The following RAB27B variants were observed in gnomAD, a reference collection of about 807,000 sequenced individuals.
RAB27B encodes ras-related protein Rab-27B.
Under a neutral mutation model 24.6 loss-of-function variants are expected in RAB27B, and 15 were observed. That is an observed-to-expected ratio of 0.61 (90% confidence interval 0.41 to 0.94). The LOEUF (loss-of-function observed/expected upper bound fraction) is 0.94. Ranked by LOEUF, RAB27B falls within the 40% of genes least tolerant of loss-of-function variation. The pLI is 0.00. For synonymous variants in RAB27B, 105 were observed against 92.5 expected (o/e 1.14, Z -0.78); for missense variants, 261 against 266.8 (o/e 0.98, Z 0.15).
chr18:54,727,673 C>T (rs2144984264), intron 2 of RAB27B, among the ~76,000 whole-genome samples: 1 of 152,170 alleles, frequency 6.6e-6, no homozygotes, highest in East Asian at 1.9e-4. Flanking sequence ...TTTAGATTTG[C>T]CTTTTAGATA....
intron 4 of RAB27B, among the ~76,000 whole-genome samples, chr18:54,887,662 G>T (rs767702791): frequency 6.6e-6 from 1 of 151,496 alleles, no homozygotes; most frequent in East Asian, 1.9e-4. Flanking sequence ...CAAGAACAGC[G>T]CATGGATTAA....
intron 1 of RAB27B, among the ~76,000 whole-genome samples, chr18:54,873,759 AGT>A (rs1165887303): frequency 6.6e-6 from 1 of 151,788 alleles, no homozygotes; most frequent in African/African-American, 2.4e-5. Flanking sequence ...ACATAGACAG[AGT>A]GAGAGAGAGA....
intron 2 of RAB27B, among the ~76,000 whole-genome samples, chr18:54,819,169 ATTAT>A (rs994993625): frequency 1.7e-4 from 23 of 135,908 alleles, no homozygotes; most frequent in Non-Finnish European, 2.5e-4. Context: ...TATTAACATA[ATTAT>A]TAATGAATAT....
intron 2 of RAB27B, among the ~76,000 whole-genome samples, chr18:54,742,881 C>T (rs992931872): frequency 3.9e-5 from 6 of 152,158 alleles, no homozygotes; most frequent in African/African-American, 9.7e-5. Flanking sequence ...GAAAGCCTTG[C>T]AAATTTTGCA....
intron 2 of RAB27B, among the ~76,000 whole-genome samples, chr18:54,806,987 A>G (rs533974825): frequency 6.6e-6 from 1 of 152,270 alleles, no homozygotes; most frequent in African/African-American, 2.4e-5. Flanking sequence ...GCTCACTGCA[A>G]CCAGGAGAAC....
rs1454615640 is a variant in RAB27B at position 54,784,969 on chromosome 18, C to T, written c.-20+66828C>T. On this transcript the variant is annotated intron_variant, in intron 2 of 4. Coordinates refer to the RAB27B transcript ENST00000586570. ...GGTAGAAAGCCTACCATTACTTTGC[C>T]TACCTCTGCCTCACTAAATATGCCC... is the stretch of plus-strand genomic sequence containing the variant. Among the ~76,000 whole-genome samples, 3 of 152,190 alleles carry T rather than the reference C, an allele frequency of 2.0e-5. No individual in the cohort carries two copies. The East Asian group carries it at 5.8e-4, about 29-fold the overall frequency.
intron 1 of RAB27B, among the ~76,000 whole-genome samples, chr18:54,832,654 A>G (rs2145186430): frequency 6.6e-6 from 1 of 152,254 alleles, no homozygotes; most frequent in Non-Finnish European, 1.5e-5. Context: ...GACATTTGGG[A>G]CCTTGTATGG....
chr18:54,819,005 G>T (rs2145162318), intron 2 of RAB27B, among the ~76,000 whole-genome samples: 1 of 151,634 alleles, frequency 6.6e-6, no homozygotes, highest in Admixed American at 6.6e-5. Flanking sequence ...ACCTTCAGTA[G>T]CAATGAAATC....
At chr18:54,820,968 T>G (rs1025149688) in intron 2 of RAB27B, among the ~76,000 whole-genome samples, 13 of 152,302 alleles carry the variant, frequency 8.5e-5, no homozygotes, top group African/African-American at 3.1e-4. Flanking sequence ...TCTGTTCCAT[T>G]GGTCTATATC....
chr18:54,728,903 C>CAAAAAAACAAA (rs1909635236), intron 2 of RAB27B, among the ~76,000 whole-genome samples: 1 of 68,254 alleles, frequency 1.5e-5, no homozygotes, highest in Non-Finnish European at 2.5e-5. Flanking sequence ...AAAAAAAACC[C>CAAAAAAACAAA]AAAAAAAAAA....
At chr18:54,806,584 C>T (rs2311118) in intron 2 of RAB27B, among the ~76,000 whole-genome samples, 141,355 of 148,470 alleles carry the variant, frequency 0.95, 67,716 homozygotes, top group East Asian at 1. Context: ...TATATAATCA[C>T]ATAAATATAA....
intron 2 of RAB27B, among the ~76,000 whole-genome samples, chr18:54,739,086 G>A (rs1306254427): frequency 6.6e-6 from 1 of 152,078 alleles, no homozygotes; most frequent in Non-Finnish European, 1.5e-5. Context: ...TTCACTCCAT[G>A]TCATGTTTTT....
intron 2 of RAB27B, among the ~76,000 whole-genome samples, chr18:54,741,803 CTAAGCTTTCTT>C (rs770795545): frequency 2.0e-5 from 3 of 152,120 alleles, no homozygotes; most frequent in Non-Finnish European, 4.4e-5. Flanking sequence ...TACCTGGCCT[CTAAGCTTTCTT>C]TAAGTAAAAA....
chr18:54,792,290 C>T (rs1040969967), intron 2 of RAB27B, among the ~76,000 whole-genome samples: 3 of 152,154 alleles, frequency 2.0e-5, no homozygotes, highest in African/African-American at 7.2e-5. Context: ...AGCCACACCC[C>T]CATCGCATGC....
At chr18:54,857,205 T>G (rs1911818940) in intron 1 of RAB27B, among the ~76,000 whole-genome samples, 1 of 152,212 alleles carries the variant, frequency 6.6e-6, no homozygotes, top group East Asian at 1.9e-4. Flanking sequence ...TCCACCTGGG[T>G]ACTCTGTCAG....
chr18:54,798,577 AG>A (rs1191572481), intron 2 of RAB27B, among the ~76,000 whole-genome samples: 1 of 152,216 alleles, frequency 6.6e-6, no homozygotes, highest in Non-Finnish European at 1.5e-5. Context: ...CATTCAGCAT[AG>A]GTGAGTCAAC....
intron 2 of RAB27B, among the ~76,000 whole-genome samples, chr18:54,765,795 C>T (rs148586868): frequency 6.6e-6 from 1 of 152,154 alleles, no homozygotes; most frequent in African/African-American, 2.4e-5. Flanking sequence ...TTTAGTAAAA[C>T]AAAGTATTGA....
chr18:54,841,253 A>C (rs1230692189), intron 1 of RAB27B, among the ~76,000 whole-genome samples: 1 of 151,822 alleles, frequency 6.6e-6, no homozygotes, highest in Non-Finnish European at 1.5e-5. Flanking sequence ...TGCAGATAAG[A>C]AGTATTTGGG....
At chr18:54,721,497 A>G (rs190067578) in intron 2 of RAB27B, among the ~76,000 whole-genome samples, 414 of 152,280 alleles carry the variant, frequency 2.7e-3, no homozygotes, top group African/African-American at 9.6e-3. Flanking sequence ...TCAGTGTAAC[A>G]TTTTTTGGAC....
Sources: allele counts gnomAD v4.1 joint callset (sites outside exome capture counted in the v4.1 genomes callset), GRCh38; gene constraint gnomAD v4.1.1; transcripts MANE v1.5; gene names NCBI Gene and HGNC (gene_info 2026-07-23, HGNC 2026-07-21).